The following SORCS3 variants were observed in gnomAD, a reference collection of about 807,000 sequenced individuals.
SORCS3 encodes the protein sortilin related VPS10 domain containing receptor 3.
In SORCS3, 57 loss-of-function variants were observed where a neutral mutation model predicts 146.3. The ratio of observed to expected loss-of-function variants is 0.39; its 90% confidence interval spans 0.31 to 0.49. The LOEUF is 0.49. SORCS3 is among the 20% of genes least tolerant of loss of function. The pLI is 0.92. For missense variants in SORCS3, 1,341 were observed against 1,575.5 expected, an observed-to-expected ratio of 0.85 and a Z score of 2.52; for synonymous variants, 653 against 618.5, an observed-to-expected ratio of 1.06 and a Z score of -0.83.
intron 3 of SORCS3, among the ~76,000 whole-genome samples, chr10:104,963,220 A>G (rs950110528): frequency 1.3e-5 from 2 of 152,202 alleles, no homozygotes; most frequent in African/African-American, 4.8e-5. Context: ...GAATATTTAT[A>G]AGAGTCTCGT....
chr10:104,975,517 A>G (rs1437679332), intron 3 of SORCS3, among the ~76,000 whole-genome samples: 1 of 152,180 alleles, frequency 6.6e-6, no homozygotes, highest in Non-Finnish European at 1.5e-5. Context: ...TGCCATCCCC[A>G]TCAAGCTGCC....
At chr10:105,016,234 C>A (rs1437868613) in intron 4 of SORCS3, among the ~76,000 whole-genome samples, 1 of 146,306 alleles carries the variant, frequency 6.8e-6, no homozygotes, top group Non-Finnish European at 1.5e-5. Context: ...TCACTGCAAC[C>A]TCCGCCTTCC....
chr10:104,971,509 A>G (rs2054860379), intron 3 of SORCS3, among the ~76,000 whole-genome samples: 2 of 152,176 alleles, frequency 1.3e-5, no homozygotes, highest in African/African-American at 4.8e-5. Context: ...GCTAGGGTAT[A>G]CCAGAGAAGC....
At chr10:104,884,886 C>T (rs114187334) in intron 2 of SORCS3, among the ~76,000 whole-genome samples, 1 of 151,924 alleles carries the variant, frequency 6.6e-6, no homozygotes, top group Non-Finnish European at 1.5e-5. Flanking sequence ...TGCTTGCTAC[C>T]AATCCTAGTG....
chr10:104,784,047 C>A (rs144610176), intron 1 of SORCS3, among the ~76,000 whole-genome samples: 610 of 152,304 alleles, frequency 4.0e-3, no homozygotes, highest in South Asian at 0.018. Flanking sequence ...CTGAGGAATC[C>A]ATCAGGGAAG....
chr10:104,830,536 G>A (rs1322222557), intron 1 of SORCS3, among the ~76,000 whole-genome samples: 2 of 152,192 alleles, frequency 1.3e-5, no homozygotes, highest in African/African-American at 4.8e-5. Context: ...TGCTGCTGAT[G>A]TGTTGTCACA....
At chr10:104,886,503 A>G (rs1201883049) in intron 2 of SORCS3, among the ~76,000 whole-genome samples, 1 of 152,094 alleles carries the variant, frequency 6.6e-6, no homozygotes, top group Non-Finnish European at 1.5e-5. Flanking sequence ...ATGTATATAT[A>G]TAATACATTA....
rs564496894 is a variant in SORCS3 at position 105,196,339 on chromosome 10, C to T, written c.2010-3660C>T. ...CCCTCACAGGCCAGGTGTGGTCGCT[C>T]ACGCCTGTAATCCCAGCACTTTGGG... On this transcript the variant is annotated intron_variant, in intron 14 of 26. Coordinates refer to ENST00000369701, the MANE Select transcript of SORCS3 (RefSeq NM_014978.3). 2.0e-4 allele frequency among the ~76,000 whole-genome samples: 31 copies of T among 152,342 alleles called. 1 individual carries two copies. Among genetic ancestry groups the T allele is most frequent in the Admixed American group, 1.6e-3 (24 of 15,306 alleles).
At position 105,256,857 on chromosome 10, in the gene SORCS3, G is replaced by A; in HGVS notation, c.3376G>A (p.Ala1126Thr). ...VDSSAGHSSSAMLMLLSVVFV... is the reference protein window; with the variant it reads ...VDSSAGHSSSTMLMLLSVVFV... The stretch of plus-strand genomic sequence containing the variant: ...CTCCAGTGCTGGGCACAGCAGCTCA[G>A]CCATGCTTATGCTATTATCAGTGGT... Residue 1126 changes from alanine (A) to threonine (T), a missense_variant, in exon 25 of 27, where the codon GCC becomes ACC. By Grantham distance (58) the Ala-to-Thr change is moderately conservative. Transcript: ENST00000369701. 6.2e-7 allele frequency: 1 copy of A among 1,614,160 alleles called. No individual in the cohort carries two copies. Among genetic ancestry groups the A allele is most frequent in the Non-Finnish European group, 8.5e-7 (1 of 1,180,002 alleles).
At chr10:105,164,503 G>C in intron 12 of SORCS3, 124 bp downstream of exon 12, 1 of 764,208 alleles carries the variant, frequency 1.3e-6, no homozygotes, top group Non-Finnish European at 2.2e-6. Flanking sequence ...TGAAGCAGCT[G>C]TTCAGTTTGG....
At chr10:104,746,532 A>G (rs555759089) in intron 1 of SORCS3, among the ~76,000 whole-genome samples, 3 of 152,234 alleles carry the variant, frequency 2.0e-5, no homozygotes, top group Non-Finnish European at 4.4e-5. Context: ...TTTGAAATCT[A>G]TTTTATCAAT....
chr10:104,829,854 C>A (rs2017981038), intron 1 of SORCS3, among the ~76,000 whole-genome samples: 1 of 152,054 alleles, frequency 6.6e-6, no homozygotes, highest in African/African-American at 2.4e-5. Flanking sequence ...CCAGCCTGTT[C>A]TGTGTCAGCC....
At chr10:105,146,710 C>T (rs1221972364) in intron 8 of SORCS3, among the ~76,000 whole-genome samples, 5 of 152,102 alleles carry the variant, frequency 3.3e-5, no homozygotes, top group Admixed American at 1.3e-4. Context: ...ATTTGATAGC[C>T]ATATAATCTG....
chr10:104,805,489 G>A (rs2017670333), intron 1 of SORCS3, among the ~76,000 whole-genome samples: 1 of 152,144 alleles, frequency 6.6e-6, no homozygotes, highest in Admixed American at 6.5e-5. Flanking sequence ...TTTAAAAGGT[G>A]GGTTGGAGTC....
chr10:105,218,750 C>G (rs556086001), intron 19 of SORCS3, among the ~76,000 whole-genome samples: 19 of 152,204 alleles, frequency 1.2e-4, no homozygotes, highest in Non-Finnish European at 2.5e-4. Flanking sequence ...GGCGCGGTGG[C>G]TCACGCCTGT....
At chr10:105,141,162 C>A (rs138519666) in intron 8 of SORCS3, among the ~76,000 whole-genome samples, 1 of 152,144 alleles carries the variant, frequency 6.6e-6, no homozygotes, top group Admixed American at 6.6e-5. Flanking sequence ...AGTGTGGCTG[C>A]AGGTGGGGAC....
chr10:105,092,608 AACAC>A lies in SORCS3; in HGVS notation c.1093+2797_1093+2800del, dbSNP rs61665816. ...GCTCCCTCACACTTGTGCATTCACA[AACAC>A]ACACACACACACACACACACACACA... On this transcript the variant is annotated intron_variant, in intron 6 of 26. Coordinates refer to ENST00000369701, the MANE Select transcript of SORCS3 (RefSeq NM_014978.3). Among the ~76,000 whole-genome samples the A allele has an allele frequency of 9.5e-3, 1,401 of 147,334 alleles. 10 individuals carry two copies. The highest frequency in any genetic ancestry group is 0.025 in the African/African-American group (998 of 40,190).
intron 1 of SORCS3, among the ~76,000 whole-genome samples, chr10:104,746,342 T>C (rs549187480): frequency 2.0e-5 from 3 of 152,284 alleles, no homozygotes; most frequent in African/African-American, 4.8e-5. Flanking sequence ...TTCACCATGT[T>C]AGCCAGGATG....
At chr10:104,999,392 G>C (rs371009827) in intron 4 of SORCS3, among the ~76,000 whole-genome samples, 1 of 152,100 alleles carries the variant, frequency 6.6e-6, no homozygotes, top group Non-Finnish European at 1.5e-5. Context: ...GACAATTCCA[G>C]TTTTAGAAAA....
Sources: gnomAD v4.1 joint callset for allele counts (sites outside exome capture counted in the v4.1 genomes callset) on GRCh38, gnomAD v4.1.1 for gene constraint, MANE v1.5 for transcripts, NCBI Gene and HGNC (gene_info 2026-07-23, HGNC 2026-07-21) for gene names.